The following ANK2 variants were observed in gnomAD, a reference collection of about 807,000 sequenced individuals.
ANK2 encodes ankyrin 2.
A neutral mutation model predicts 360.5 loss-of-function variants in ANK2; 83 were observed. The ratio of observed to expected loss-of-function variants is 0.23; its 90% CI spans 0.19 to 0.28. ANK2 has a LOEUF of 0.28. Among genes scored for constraint, ANK2 ranks in the 10% least tolerant of loss-of-function variants. The pLI, the probability that ANK2 is intolerant of heterozygous loss-of-function variation, is 1.00. For missense variants in ANK2, 4,201 were observed against 4,795.7 expected (o/e 0.88, Z 3.66); for synonymous variants, 1,740 against 1,759.5 (o/e 0.99, Z 0.28).
intron 1 of ANK2, among the ~76,000 whole-genome samples, chr4:112,840,374 A>T (rs2061836860): frequency 1.3e-5 from 2 of 152,106 alleles, no homozygotes; most frequent in African/African-American, 4.8e-5. Flanking sequence ...TCAGAAGGGG[A>T]ACAATTTGCC....
At chr4:113,233,217 C>T (rs1271985430) in intron 5 of ANK2, among the ~76,000 whole-genome samples, 2 of 141,894 alleles carry the variant, frequency 1.4e-5, no homozygotes, top group Non-Finnish European at 3.0e-5. Flanking sequence ...TCACTGCAAG[C>T]TCCGCCTCCC....
intron 14 of ANK2, among the ~76,000 whole-genome samples, chr4:113,272,816 C>T (rs917596691): frequency 6.6e-6 from 1 of 151,968 alleles, no homozygotes; most frequent in Non-Finnish European, 1.5e-5. Context: ...CTTGCAATAC[C>T]CACCCACCTT....
intron 1 of ANK2, among the ~76,000 whole-genome samples, chr4:113,123,920 A>C (rs1252649235): frequency 1.3e-5 from 2 of 152,296 alleles, no homozygotes; most frequent in African/African-American, 4.8e-5. Flanking sequence ...ACTTTCTGAA[A>C]GTTTAATAAG....
chr4:113,141,595 G>A (rs192284318), intron 1 of ANK2, among the ~76,000 whole-genome samples: 5 of 152,246 alleles, frequency 3.3e-5, no homozygotes, highest in Admixed American at 3.3e-4. Flanking sequence ...TCAAAACCTG[G>A]GATTAGTAAA....
At chr4:112,885,229 G>C (rs1213400201) in intron 1 of ANK2, among the ~76,000 whole-genome samples, 3 of 152,158 alleles carry the variant, frequency 2.0e-5, no homozygotes, top group African/African-American at 7.2e-5. Flanking sequence ...GGCCGGGCGT[G>C]GTGGTTCACG....
At chr4:112,778,512 T>C in the ANK2 span, among the ~76,000 whole-genome samples, 109 of 152,234 alleles carry the variant, frequency 7.2e-4, no homozygotes, top group African/African-American at 2.5e-3. Context: ...TGAACAAACA[T>C]CTGTGGAGGA....
At chr4:112,896,230 G>T (rs17045117) in intron 1 of ANK2, among the ~76,000 whole-genome samples, 1 of 152,144 alleles carries the variant, frequency 6.6e-6, no homozygotes, top group East Asian at 1.9e-4. Context: ...AGCCATAGGA[G>T]GAAGGAGCTA....
Position 113,353,406 on chromosome 4 carries a change from T to A in ANK2, c.4788T>A (p.Ser1596Arg), listed in dbSNP as rs2154016995. 1.2e-6 allele frequency: 2 copies of A among 1,613,860 alleles called. No individual in the cohort carries two copies. The highest frequency in any genetic ancestry group is 2.2e-5 in the East Asian group (1 of 44,854). The change falls in exon 38 of 46, where the codon AGT becomes AGA. Residue 1596 changes from serine (S) to arginine (R), a missense_variant. Around this residue, in one of 4 missense-constraint regions of ANK2, gnomAD observed 1,268 missense variants for 1,650.8 expected, o/e 0.77. Transcript: ENST00000357077. Reference protein sequence around the residue: ...GLVEEEWVIVSDEEIEEARQK... With the variant: ...GLVEEEWVIVRDEEIEEARQK... ...TTGAAGAGGAATGGGTTATTGTCAGTGATGAGGAAATAGAAGAGGCTAGGC... is the reference window on the plus strand; with the variant it reads ...TTGAAGAGGAATGGGTTATTGTCAGAGATGAGGAAATAGAAGAGGCTAGGC...
At chr4:113,288,564 G>A (rs1372238484) in intron 20 of ANK2, 78 bp downstream of exon 20, 11 of 1,203,002 alleles carry the variant, frequency 9.1e-6, no homozygotes, top group East Asian at 2.4e-5. Flanking sequence ...GTTTACCAAA[G>A]CTACAAGTGT....
chr4:112,933,689 G>A (rs2093469979), intron 2 of ANK2, among the ~76,000 whole-genome samples: 2 of 152,006 alleles, frequency 1.3e-5, no homozygotes, highest in African/African-American at 2.4e-5. Context: ...TAATAGAGAC[G>A]GGGTTTTGCC....
At chr4:112,854,387 G>A (rs2065812597) in intron 1 of ANK2, among the ~76,000 whole-genome samples, 1 of 152,218 alleles carries the variant, frequency 6.6e-6, no homozygotes, top group Non-Finnish European at 1.5e-5. Flanking sequence ...GTGCATGGTA[G>A]AGGAGGACAC....
chr4:113,060,078 ATTCTGGTCC>A (rs1009974504), intron 1 of ANK2, among the ~76,000 whole-genome samples: 10 of 152,230 alleles, frequency 6.6e-5, no homozygotes, highest in African/African-American at 2.4e-4. Flanking sequence ...GTGTGAAGGA[ATTCTGGTCC>A]TTTTTAGAAG....
chr4:112,948,842 A>G (rs943300875), intron 2 of ANK2, among the ~76,000 whole-genome samples: 8 of 152,072 alleles, frequency 5.3e-5, no homozygotes, highest in East Asian at 3.9e-4. Flanking sequence ...TAGACTTTCT[A>G]TGGTTGAGGG....
At chr4:112,763,525 C>T in the ANK2 span, among the ~76,000 whole-genome samples, 1 of 133,914 alleles carries the variant, frequency 7.5e-6, no homozygotes, top group African/African-American at 2.7e-5. Context: ...AGCCACAGCG[C>T]CTGGCCTTTT....
chr4:112,775,552 A>T, the ANK2 span, among the ~76,000 whole-genome samples: 80 of 14,716 alleles, frequency 5.4e-3, no homozygotes, highest in African/African-American at 0.013. Context: ...CACAAGAAAA[A>T]AAATTCTAAG....
intron 2 of ANK2, among the ~76,000 whole-genome samples, chr4:112,954,711 T>G (rs971590349): frequency 2.0e-5 from 3 of 152,170 alleles, no homozygotes; most frequent in African/African-American, 7.2e-5. Flanking sequence ...CTTTTTAAAT[T>G]AGAAAAGTTT....
intron 1 of ANK2, among the ~76,000 whole-genome samples, chr4:112,901,864 C>CAA (rs199731018): frequency 2.6e-3 from 218 of 82,586 alleles, no homozygotes; most frequent in African/African-American, 8.3e-3. Flanking sequence ...GACTCTGTCT[C>CAA]AAAAAAAAAA....
chr4:112,795,742 T>G, the ANK2 span, among the ~76,000 whole-genome samples: 1 of 151,058 alleles, frequency 6.6e-6, no homozygotes, highest in South Asian at 2.1e-4. Context: ...GACCTCGTGA[T>G]CCACCTGCCT....
chr4:113,167,904 A>G (rs1465503286), intron 1 of ANK2, among the ~76,000 whole-genome samples: 1 of 152,172 alleles, frequency 6.6e-6, no homozygotes, highest in Non-Finnish European at 1.5e-5. Context: ...TCTTTGTGAG[A>G]TCTATTGATG....
Sources: allele counts gnomAD v4.1 joint callset (sites outside exome capture counted in the v4.1 genomes callset), GRCh38; gene constraint gnomAD v4.1.1; regional missense constraint gnomAD v4.1.1; transcripts MANE v1.5; gene names NCBI Gene and HGNC (gene_info 2026-07-23, HGNC 2026-07-21).